The following NALCN variants were observed in gnomAD, a reference collection of about 807,000 sequenced individuals.
NALCN encodes sodium leak channel, non-selective.
In NALCN, 111 loss-of-function variants were observed where a neutral mutation model predicts 225.3. The ratio of observed to expected loss-of-function variants is 0.49; its 90% CI spans 0.42 to 0.58. The LOEUF is 0.58. Ranked by LOEUF, NALCN falls within the 20% of genes least tolerant of loss-of-function variation. The pLI, the probability that NALCN is intolerant of heterozygous loss-of-function variation, is 0.00. For synonymous variants in NALCN, 764 were observed against 769.0 expected (o/e 0.99, Z 0.11); for missense variants, 1,378 against 2,202.4 (o/e 0.63, Z 7.49).
intron 17 of NALCN, among the ~76,000 whole-genome samples, chr13:101,131,219 T>C (rs1241495050): frequency 6.6e-6 from 1 of 152,182 alleles, no homozygotes; most frequent in Admixed American, 6.5e-5. Flanking sequence ...TAATTTTTAA[T>C]GTCTTTTAAC....
chr13:101,406,610 T>C (rs1310694859), intron 1 of NALCN, among the ~76,000 whole-genome samples: 2 of 152,212 alleles, frequency 1.3e-5, no homozygotes, highest in African/African-American at 4.8e-5. Context: ...CCATTTTTAT[T>C]ATCTGACTCA....
At chr13:101,128,896 C>G (rs1446637005) in intron 17 of NALCN, among the ~76,000 whole-genome samples, 1 of 152,166 alleles carries the variant, frequency 6.6e-6, no homozygotes, top group African/African-American at 2.4e-5. Flanking sequence ...AAAGCACACT[C>G]TTGGTACAGT....
At chr13:101,198,068 C>G (rs1316415354) in intron 13 of NALCN, among the ~76,000 whole-genome samples, 1 of 152,070 alleles carries the variant, frequency 6.6e-6, no homozygotes, top group Non-Finnish European at 1.5e-5. Context: ...TATATGAGAA[C>G]AGGGTGAGAA....
At chr13:101,334,752 A>G (rs2045321600) in intron 7 of NALCN, among the ~76,000 whole-genome samples, 1 of 152,294 alleles carries the variant, frequency 6.6e-6, no homozygotes, top group Non-Finnish European at 1.5e-5. Context: ...GAATGTATAT[A>G]TGCCTGTATT....
chr13:101,125,868 G>A (rs1436459350), intron 17 of NALCN, among the ~76,000 whole-genome samples: 1 of 152,206 alleles, frequency 6.6e-6, no homozygotes, highest in East Asian at 1.9e-4. Context: ...ACCTGTATAA[G>A]TGCTGTGCTA....
chr13:101,325,728 C>A (rs1289999293), intron 7 of NALCN, among the ~76,000 whole-genome samples: 1 of 152,136 alleles, frequency 6.6e-6, no homozygotes, highest in African/African-American at 2.4e-5. Flanking sequence ...AGGTGTCTCT[C>A]CTTTTAGGTT....
intron 7 of NALCN, among the ~76,000 whole-genome samples, chr13:101,318,186 C>T (rs904482096): frequency 2.0e-5 from 3 of 152,194 alleles, no homozygotes; most frequent in Admixed American, 6.5e-5. Flanking sequence ...TCTGCCCACC[C>T]GGCCTGGCAG....
chr13:101,267,818 G>C (rs1044736744), intron 10 of NALCN, among the ~76,000 whole-genome samples: 1 of 152,202 alleles, frequency 6.6e-6, no homozygotes, highest in Admixed American at 6.5e-5. Context: ...GCAAATTCAT[G>C]AGCAAGAGTT....
chr13:101,234,177 A>G (rs2041463308), intron 12 of NALCN, among the ~76,000 whole-genome samples: 1 of 152,186 alleles, frequency 6.6e-6, no homozygotes. Flanking sequence ...CAGTACTTGT[A>G]CTTCACATTC....
intron 6 of NALCN, among the ~76,000 whole-genome samples, chr13:101,368,165 CACA>C (rs1177520204): frequency 7.8e-6 from 1 of 128,148 alleles, no homozygotes. Context: ...CCCCCCACCC[CACA>C]ACAGTCCCCA....
intron 34 of NALCN, among the ~76,000 whole-genome samples, chr13:101,077,660 A>G (rs2033347678): frequency 6.6e-6 from 1 of 152,204 alleles, no homozygotes; most frequent in Non-Finnish European, 1.5e-5. Flanking sequence ...TTCAAGAGGA[A>G]GCAGAGTATA....
intron 15 of NALCN, among the ~76,000 whole-genome samples, chr13:101,156,452 A>G (rs751184826): frequency 3.3e-5 from 5 of 151,872 alleles, no homozygotes; most frequent in Non-Finnish European, 7.4e-5. Context: ...ATGTACACAC[A>G]CTCTCTCACA....
chr13:101,159,203 T>C (rs995476524), intron 15 of NALCN, among the ~76,000 whole-genome samples: 2 of 152,240 alleles, frequency 1.3e-5, no homozygotes, highest in Admixed American at 6.5e-5. Flanking sequence ...ATTTGATCCA[T>C]GTACAAATAC....
chr13:101,176,499 G>A, intron 14 of NALCN, 125 bp from the exon 15 acceptor site: 9 of 508,580 alleles, frequency 1.8e-5, no homozygotes, highest in African/African-American at 4.0e-5. Context: ...TAAACATGCA[G>A]TGATGAATCA....
At position 101,416,439 on chromosome 13, in the gene NALCN, C is replaced by G. The variant is rs1447337932; in HGVS notation, c.-166G>C. On this transcript the variant is annotated 5_prime_UTR_variant, in exon 1 of 44. Transcript: ENST00000251127. The stretch of plus-strand genomic sequence containing the variant: ...GGCGGGGACGCGGGCCCCTCACCTA[C>G]GGCGGCTCAGCTCAGGCAGCGCGCT... 6.6e-6 allele frequency: 1 copy of G among 151,858 alleles called. No individual in the cohort carries two copies. The highest frequency in any genetic ancestry group is 1.5e-5 in the Non-Finnish European group (1 of 67,994). The allele number at this position is 151,858 out of a possible 1,614,324, so 9.4% of individuals were successfully genotyped here. A position where few individuals can be genotyped will look rare whatever the true frequency, so the allele number is the denominator to read the frequency against.
At chr13:101,156,414 G>A (rs1055768173) in intron 15 of NALCN, among the ~76,000 whole-genome samples, 5 of 152,116 alleles carry the variant, frequency 3.3e-5, no homozygotes, top group South Asian at 2.1e-4. Context: ...CAGAAAGAGC[G>A]GGGAAATACA....
At position 101,229,424 on chromosome 13, in the gene NALCN, T is replaced by C; in HGVS notation, c.1595A>G (p.Glu532Gly). 6.2e-7 allele frequency: 1 copy of C among 1,603,942 alleles called. No homozygotes were observed. The highest frequency in any genetic ancestry group is 1.1e-5 in the South Asian group (1 of 89,204). Reference sequence around the variant, plus strand: ...AAACGTAGTAAATCTGTCCAGTTCTTCGACAAAGCAGAACATCTGCAAACT... The same window carrying C: ...AAACGTAGTAAATCTGTCCAGTTCTCCGACAAAGCAGAACATCTGCAAACT... Reference protein sequence around the residue: ...AISLQMFCFVEELDRFTTFPR... With the variant: ...AISLQMFCFVGELDRFTTFPR... The change falls in exon 13 of 44, where the codon GAA (glutamate) becomes GGA (glycine). Residue 532 changes from glutamate (E) to glycine (G), a missense_variant. Around this residue, in one of 19 missense-constraint regions of NALCN, gnomAD observed 18 missense variants for 18.0 expected, o/e 1.00. Coordinates refer to ENST00000251127, the MANE Select transcript of NALCN (RefSeq NM_052867.4).
At chr13:101,190,544 C>T (rs150859713) in intron 14 of NALCN, among the ~76,000 whole-genome samples, 7 of 152,244 alleles carry the variant, frequency 4.6e-5, no homozygotes, top group African/African-American at 1.4e-4. Flanking sequence ...CTATCTTTCG[C>T]GTAACTTTTA....
chr13:101,160,424 G>A (rs939851830), intron 15 of NALCN, among the ~76,000 whole-genome samples: 1 of 152,142 alleles, frequency 6.6e-6, no homozygotes, highest in African/African-American at 2.4e-5. Flanking sequence ...GGGGAGGAGG[G>A]GCAGGCTAGG....
Sources: gnomAD v4.1 joint callset for allele counts (sites outside exome capture counted in the v4.1 genomes callset) on GRCh38, gnomAD v4.1.1 for gene constraint, gnomAD v4.1.1 regional missense constraint, MANE v1.5 for transcripts, NCBI Gene and HGNC (gene_info 2026-07-23, HGNC 2026-07-21) for gene names.